The following CNTN4 variants were observed in gnomAD, a reference collection of about 807,000 sequenced individuals.
The protein encoded by CNTN4 is contactin 4, also known as contactin-4.
A neutral mutation model predicts 122.5 loss-of-function variants in CNTN4; 77 were observed. The ratio of observed to expected loss-of-function variants is 0.63; its 90% CI spans 0.52 to 0.76. The LOEUF (loss-of-function observed/expected upper bound fraction) is 0.76. Ranked by LOEUF, CNTN4 falls within the 30% of genes least tolerant of loss-of-function variation. The pLI is 0.00. For missense variants in CNTN4, 1,256 were observed against 1,259.1 expected (o/e 1.00, Z 0.04); for synonymous variants, 512 against 447.0 (o/e 1.15, Z -1.83).
intron 4 of CNTN4, among the ~76,000 whole-genome samples, chr3:2,603,506 A>G (rs1159410140): frequency 6.6e-6 from 1 of 152,234 alleles, no homozygotes; most frequent in African/African-American, 2.4e-5. Context: ...AAGTGTCTGA[A>G]TAAAATGGAT....
In CNTN4 at chr3:2,290,476, A is replaced by C. The variant is rs533779115; in HGVS notation, c.-144-48702A>C. Among the ~76,000 whole-genome samples, 3 of 152,336 alleles carry C rather than the reference A, an allele frequency of 2.0e-5. No homozygotes were observed. The South Asian group carries it at 6.2e-4, about 32-fold the overall frequency. On this transcript the variant is annotated intron_variant, in intron 2 of 24. Coordinates refer to ENST00000418658, the MANE Select transcript of CNTN4 (RefSeq NM_175607.3). ...GGTCTGTGGTTGCAGTTACAGGGGA[A>C]AATCATTAACGATGATGGTGAAGCA... is the stretch of plus-strand genomic sequence containing the variant.
intron 14 of CNTN4, among the ~76,000 whole-genome samples, chr3:2,999,758 T>C (rs1237425751): frequency 6.6e-6 from 1 of 152,208 alleles, no homozygotes; most frequent in African/African-American, 2.4e-5. Flanking sequence ...TACTTCTTAA[T>C]AGTGTTGCAT....
chr3:2,907,260 A>G (rs554816913), intron 12 of CNTN4, among the ~76,000 whole-genome samples: 42 of 152,306 alleles, frequency 2.8e-4, no homozygotes, highest in African/African-American at 9.6e-4. Flanking sequence ...CAAAATGGAA[A>G]CAAGATAATC....
intron 2 of CNTN4, among the ~76,000 whole-genome samples, chr3:2,231,640 G>A (rs1285449791): frequency 6.6e-6 from 1 of 152,068 alleles, no homozygotes; most frequent in Admixed American, 6.5e-5. Flanking sequence ...AACATCCAAG[G>A]CTCACGAGAA....
chr3:2,395,831 C>T (rs1054537222), intron 3 of CNTN4, among the ~76,000 whole-genome samples: 6 of 151,886 alleles, frequency 4.0e-5, no homozygotes, highest in African/African-American at 7.3e-5. Context: ...TAGATTGTTG[C>T]GGTTTACCAT....
At chr3:2,868,132 A>G (rs1297591659) in intron 8 of CNTN4, among the ~76,000 whole-genome samples, 1 of 152,224 alleles carries the variant, frequency 6.6e-6, no homozygotes, top group Non-Finnish European at 1.5e-5. Flanking sequence ...GGATACCATC[A>G]GCCAAAAACA....
chr3:3,014,180 A>C (rs1332164824), intron 14 of CNTN4, among the ~76,000 whole-genome samples: 1 of 152,198 alleles, frequency 6.6e-6, no homozygotes, highest in East Asian at 1.9e-4. Flanking sequence ...AGACCTAGCC[A>C]AAAATCTATT....
chr3:2,366,671 G>A (rs181200358), intron 3 of CNTN4, among the ~76,000 whole-genome samples: 1,997 of 151,840 alleles, frequency 0.013, 26 homozygotes, highest in Middle Eastern at 0.041. Context: ...AGCTTGCAGT[G>A]AGCCGAGATT....
intron 14 of CNTN4, 178 bp downstream of exon 14, chr3:2,988,650 T>C (rs1375834830): frequency 4.5e-6 from 3 of 673,490 alleles, no homozygotes; most frequent in Admixed American, 2.4e-5. Context: ...TGGTAATGAA[T>C]ATGATTGAAA....
At chr3:2,827,436 T>C (rs921118557) in intron 7 of CNTN4, among the ~76,000 whole-genome samples, 3 of 152,224 alleles carry the variant, frequency 2.0e-5, no homozygotes, top group Non-Finnish European at 4.4e-5. Flanking sequence ...GGTTTGATTG[T>C]TTTCATTTGC....
intron 4 of CNTN4, among the ~76,000 whole-genome samples, chr3:2,638,640 A>G (rs2082769849): frequency 6.6e-6 from 1 of 152,192 alleles, no homozygotes; most frequent in African/African-American, 2.4e-5. Context: ...ATGAAAACTA[A>G]TATCGTTGAT....
intron 4 of CNTN4, among the ~76,000 whole-genome samples, chr3:2,704,576 A>T (rs1017027821): frequency 6.6e-6 from 1 of 152,294 alleles, no homozygotes; most frequent in East Asian, 1.9e-4. Flanking sequence ...GAAGAACTTC[A>T]TAGGGTACAG....
chr3:2,102,726 G>C (rs2032088082), intron 2 of CNTN4, among the ~76,000 whole-genome samples: 1 of 152,148 alleles, frequency 6.6e-6, no homozygotes, highest in Admixed American at 6.5e-5. Context: ...TCCTTGCATT[G>C]TGCTGGCCAG....
chr3:2,969,517 A>AT (rs1269169446), intron 13 of CNTN4, among the ~76,000 whole-genome samples: 3 of 139,704 alleles, frequency 2.1e-5, no homozygotes, highest in African/African-American at 7.9e-5. Flanking sequence ...GAAAATTGGG[A>AT]TTATTATTAT....
At chr3:3,054,736 G>A (rs920195396) in intron 24 of CNTN4, among the ~76,000 whole-genome samples, 3 of 152,296 alleles carry the variant, frequency 2.0e-5, no homozygotes, top group Non-Finnish European at 4.4e-5. Context: ...TTCATTTGGG[G>A]TGACACAAAA....
chr3:3,009,852 C>T (rs1222039753), intron 14 of CNTN4, among the ~76,000 whole-genome samples: 1 of 152,158 alleles, frequency 6.6e-6, no homozygotes, highest in Non-Finnish European at 1.5e-5. Context: ...TATGTGAAGC[C>T]GTGAACATGT....
intron 3 of CNTN4, among the ~76,000 whole-genome samples, chr3:2,457,230 C>T (rs931504511): frequency 5.3e-5 from 8 of 152,034 alleles, no homozygotes; most frequent in African/African-American, 1.7e-4. Context: ...ATTCAGAATC[C>T]AATGTTGCAT....
chr3:2,484,521 C>T (rs568197275), intron 3 of CNTN4, among the ~76,000 whole-genome samples: 59 of 152,164 alleles, frequency 3.9e-4, no homozygotes, highest in African/African-American at 1.2e-3. Context: ...TATGGAATTG[C>T]TAAAGGAAAT....
chr3:2,262,747 C>G (rs537684311), intron 2 of CNTN4, among the ~76,000 whole-genome samples: 7 of 151,644 alleles, frequency 4.6e-5, no homozygotes, highest in African/African-American at 1.7e-4. Context: ...TAGGGTTAGA[C>G]TTGGCTGCAA....
Sources: gnomAD v4.1 joint callset for allele counts (sites outside exome capture counted in the v4.1 genomes callset) on GRCh38, gnomAD v4.1.1 for gene constraint, MANE v1.5 for transcripts, NCBI Gene and HGNC (gene_info 2026-07-23, HGNC 2026-07-21) for gene names.